The following PREX2 variants were observed in gnomAD, a reference collection of about 807,000 sequenced individuals.
PREX2 encodes phosphatidylinositol 3,4,5-trisphosphate-dependent Rac exchanger 2 protein.
Under a neutral mutation model 203.2 loss-of-function variants are expected in PREX2, and 107 were observed. The observed-to-expected ratio is 0.53, with a 90% CI of 0.45 to 0.62. PREX2 has a LOEUF of 0.62. PREX2 is among the 20% of genes least tolerant of loss of function. The pLI is 0.00. For missense variants in PREX2, 1,777 were observed against 1,955.9 expected, an observed-to-expected ratio of 0.91 and a Z score of 1.72; for synonymous variants, 672 against 663.6, an observed-to-expected ratio of 1.01 and a Z score of -0.19.
At chr8:68,008,901 T>A (rs9298124) in intron 1 of PREX2, among the ~76,000 whole-genome samples, 1 of 152,140 alleles carries the variant, frequency 6.6e-6, no homozygotes, top group Middle Eastern at 3.4e-3. Context: ...TTAAACCTAT[T>A]TTTCTTTGTA....
chr8:68,154,058 A>G (rs1811493583), intron 34 of PREX2, among the ~76,000 whole-genome samples: 1 of 152,236 alleles, frequency 6.6e-6, no homozygotes, highest in South Asian at 2.1e-4. Flanking sequence ...ATTAGTTCCC[A>G]GGTGGTTTCC....
intron 1 of PREX2, among the ~76,000 whole-genome samples, chr8:67,970,943 T>G (rs1463412188): frequency 6.6e-6 from 1 of 152,184 alleles, no homozygotes; most frequent in East Asian, 1.9e-4. Context: ...AAAGAGTAAA[T>G]GCCTGAGGCT....
At chr8:68,128,554 C>A (rs535428165) in intron 31 of PREX2, among the ~76,000 whole-genome samples, 62 of 152,208 alleles carry the variant, frequency 4.1e-4, no homozygotes, top group African/African-American at 1.4e-3. Flanking sequence ...TGGCCTTGCT[C>A]ACATATGTAA....
At position 68,008,086 on chromosome 8, in the gene PREX2, C is replaced by T. The variant is rs537445667; in HGVS notation, c.142-9760C>T. ...GGTTTCAAATCCAGGCAGAGTGGCT[C>T]CAGAAAGCTGTTCACCACTTCATGT... On this transcript the variant is annotated intron_variant, in intron 1 of 39. Coordinates refer to ENST00000288368, the MANE Select transcript of PREX2 (RefSeq NM_024870.4). Among the ~76,000 whole-genome samples the T allele has an allele frequency of 3.3e-5, 5 of 152,218 alleles. No homozygotes were observed. In the East Asian group the frequency reaches 5.8e-4, roughly 18 times the overall value.
At chr8:68,086,143 G>T (rs1364734605) in intron 18 of PREX2, among the ~76,000 whole-genome samples, 2 of 152,106 alleles carry the variant, frequency 1.3e-5, no homozygotes, top group Admixed American at 6.5e-5. Context: ...AAGGATAAAG[G>T]ATACATTAAT....
At chr8:68,079,832 AACAG>A (rs964169378) in intron 15 of PREX2, among the ~76,000 whole-genome samples, 58 of 152,296 alleles carry the variant, frequency 3.8e-4, no homozygotes, top group African/African-American at 1.3e-3. Context: ...AGGGGGAAGA[AACAG>A]ACCTTTCTAG....
At chr8:67,992,995 A>G (rs4236954) in intron 1 of PREX2, among the ~76,000 whole-genome samples, 74,817 of 152,062 alleles carry the variant, frequency 0.49, 18,788 homozygotes, top group South Asian at 0.61. Flanking sequence ...TGAAGATTAC[A>G]AACTGCTTAT....
At chr8:67,971,747 G>T (rs1176802971) in intron 1 of PREX2, among the ~76,000 whole-genome samples, 1 of 152,162 alleles carries the variant, frequency 6.6e-6, no homozygotes, top group Non-Finnish European at 1.5e-5. Context: ...TAGTGGAAAA[G>T]ATATAGTTAA....
At chr8:68,153,928 A>G (rs1019918574) in intron 34 of PREX2, among the ~76,000 whole-genome samples, 6 of 152,238 alleles carry the variant, frequency 3.9e-5, no homozygotes, top group African/African-American at 1.4e-4. Flanking sequence ...GAAATTTATG[A>G]GATTGTAGAA....
At chr8:68,031,948 C>T (rs997117270) in intron 6 of PREX2, among the ~76,000 whole-genome samples, 3 of 152,066 alleles carry the variant, frequency 2.0e-5, no homozygotes, top group African/African-American at 4.8e-5. Context: ...AGATTTTTTT[C>T]AGCACTCTAG....
intron 19 of PREX2, among the ~76,000 whole-genome samples, chr8:68,089,529 G>A (rs903375827): frequency 6.6e-6 from 1 of 152,124 alleles, no homozygotes; most frequent in Non-Finnish European, 1.5e-5. Flanking sequence ...CACACAAACA[G>A]AACAGCTTGG....
chr8:68,053,026 G>T (rs1808566869), intron 8 of PREX2, 71 bp from the exon 9 acceptor site: 2 of 1,381,992 alleles, frequency 1.4e-6, no homozygotes, highest in Admixed American at 2.0e-5. Flanking sequence ...TTTGTGTATT[G>T]AATGATAGTG....
chr8:68,008,844 C>T (rs1807179452), intron 1 of PREX2, among the ~76,000 whole-genome samples: 1 of 152,212 alleles, frequency 6.6e-6, no homozygotes, highest in Non-Finnish European at 1.5e-5. Context: ...CCTTCGCCTT[C>T]TGCCATGATT....
intron 2 of PREX2, 94 bp downstream of exon 2, chr8:68,018,011 G>A (rs544884661): frequency 1.4e-5 from 12 of 861,246 alleles, no homozygotes; most frequent in East Asian, 5.3e-5. Context: ...TCAGTTGATC[G>A]GCAGTTCCAC....
chr8:68,118,333 A>C (rs1242679777), intron 26 of PREX2, among the ~76,000 whole-genome samples: 3 of 150,990 alleles, frequency 2.0e-5, no homozygotes, highest in Admixed American at 6.6e-5. Context: ...CCAGTCTGGG[A>C]GACAGAGCGA....
chr8:68,068,996 G>C, intron 11 of PREX2, 37 bp from the exon 12 acceptor site: 1 of 826,928 alleles, frequency 1.2e-6, no homozygotes, highest in Non-Finnish European at 1.9e-6. Context: ...CCCTTTTAGA[G>C]TATCGTTATT....
intron 35 of PREX2, among the ~76,000 whole-genome samples, chr8:68,164,365 T>C (rs11778362): frequency 3.8e-4 from 46 of 120,656 alleles, no homozygotes; most frequent in South Asian, 1.6e-3. Context: ...TATATATATA[T>C]ACACACACAC....
intron 1 of PREX2, among the ~76,000 whole-genome samples, chr8:67,968,792 T>A (rs1158449906): frequency 6.6e-6 from 1 of 152,212 alleles, no homozygotes; most frequent in African/African-American, 2.4e-5. Flanking sequence ...TGGTTTTGAC[T>A]GTGGTTTGAA....
intron 3 of PREX2, among the ~76,000 whole-genome samples, chr8:68,021,511 T>G (rs1807567330): frequency 6.6e-6 from 1 of 152,170 alleles, no homozygotes; most frequent in Non-Finnish European, 1.5e-5. Context: ...CTGTCTAGAC[T>G]GGTGTATATG....
Sources: allele counts gnomAD v4.1 joint callset (sites outside exome capture counted in the v4.1 genomes callset), GRCh38; gene constraint gnomAD v4.1.1; transcripts MANE v1.5; gene names NCBI Gene and HGNC (gene_info 2026-07-23, HGNC 2026-07-21).